PARVA: variants seen among roughly 807,000 people sequenced by gnomAD.
The protein encoded by PARVA is alpha-parvin.
Under a neutral mutation model 52.6 loss-of-function variants are expected in PARVA, and 25 were observed. The ratio of observed to expected loss-of-function variants is 0.48; its 90% CI spans 0.35 to 0.66. PARVA has a LOEUF of 0.66. Among genes scored for constraint, PARVA ranks in the 30% least tolerant of loss-of-function variants. The pLI, the probability that PARVA is intolerant of heterozygous loss-of-function variation, is 0.01. For missense variants in PARVA, 373 were observed against 450.9 expected, an observed-to-expected ratio of 0.83 and a Z score of 1.56; for synonymous variants, 185 against 179.1, an observed-to-expected ratio of 1.03 and a Z score of -0.26.
At chr11:12,511,922 G>T (rs900686330) in intron 8 of PARVA, among the ~76,000 whole-genome samples, 7 of 152,180 alleles carry the variant, frequency 4.6e-5, no homozygotes, top group African/African-American at 1.4e-4. Context: ...TGCACTACTT[G>T]CAAGTGCTTA....
At chr11:12,463,893 A>G (rs1303277280) in intron 1 of PARVA, among the ~76,000 whole-genome samples, 1 of 151,926 alleles carries the variant, frequency 6.6e-6, no homozygotes. Context: ...ATTATAATCC[A>G]ATACTACTTT....
intron 1 of PARVA, among the ~76,000 whole-genome samples, chr11:12,380,672 G>A (rs540178638): frequency 2.0e-5 from 3 of 150,666 alleles, no homozygotes; most frequent in East Asian, 1.9e-4. Context: ...TACCAGACCC[G>A]CTCGAAGTGA....
chr11:12,430,155 G>A (rs1469613111), intron 1 of PARVA, among the ~76,000 whole-genome samples: 1 of 152,086 alleles, frequency 6.6e-6, no homozygotes, highest in Non-Finnish European at 1.5e-5. Flanking sequence ...GGCCAATTTT[G>A]TGGTATCCCT....
chr11:12,474,650 C>A (rs1185874402), intron 3 of PARVA, among the ~76,000 whole-genome samples: 9 of 151,962 alleles, frequency 5.9e-5, no homozygotes. Flanking sequence ...CTGGGCAATG[C>A]GATGAAACAT....
chr11:12,408,634 T>A (rs1307250327), intron 1 of PARVA, among the ~76,000 whole-genome samples: 1 of 152,136 alleles, frequency 6.6e-6, no homozygotes, highest in African/African-American at 2.4e-5. Context: ...TTTTTTTCAT[T>A]TATCCAGTTC....
At chr11:12,414,329 A>G (rs1940034151) in intron 1 of PARVA, among the ~76,000 whole-genome samples, 1 of 152,238 alleles carries the variant, frequency 6.6e-6, no homozygotes, top group Non-Finnish European at 1.5e-5. Flanking sequence ...CAACAGACTT[A>G]GTTTGCTGAG....
At chr11:12,474,108 CTCAGGCAG>C (rs1940972522) in intron 3 of PARVA, 125 bp downstream of exon 3, 2 of 743,132 alleles carry the variant, frequency 2.7e-6, no homozygotes. Flanking sequence ...CAGCCCCTGC[CTCAGGCAG>C]TGAGTTGTCT....
rs780966790 is a variant in PARVA, at chr11:12,510,815, G to A, written c.717-699G>A. On this transcript the variant is annotated intron_variant, in intron 7 of 12. Coordinates refer to ENST00000334956, the MANE Select transcript of PARVA (RefSeq NM_018222.5). ...TCCCCCTGGGTCCCTCCCACAACAC[G>A]TAGGAATTCTGGGAGATACAGTTCA... Among the ~76,000 whole-genome samples, 14 of 152,238 alleles carry A rather than the reference G, an allele frequency of 9.2e-5. No homozygotes were observed. In the East Asian group the frequency reaches 9.7e-4, roughly 11 times the overall value.
chr11:12,513,752 C>T (rs1377273127), intron 9 of PARVA: 1 of 592,494 alleles, frequency 1.7e-6, no homozygotes, highest in Non-Finnish European at 3.0e-6. Context: ...ACCTATCATT[C>T]TGCCTCTTGG....
At chr11:12,412,236 C>T (rs1297083704) in intron 1 of PARVA, among the ~76,000 whole-genome samples, 1 of 152,190 alleles carries the variant, frequency 6.6e-6, no homozygotes, top group Non-Finnish European at 1.5e-5. Flanking sequence ...CCAGCGTGAG[C>T]CTGGCACACA....
At chr11:12,437,594 G>T (rs527786274) in intron 1 of PARVA, among the ~76,000 whole-genome samples, 3 of 152,308 alleles carry the variant, frequency 2.0e-5, no homozygotes, top group Admixed American at 1.3e-4. Context: ...TTGTTCACAT[G>T]AATTGAATTA....
chr11:12,455,711 T>C (rs573610535), intron 1 of PARVA, among the ~76,000 whole-genome samples: 2 of 152,298 alleles, frequency 1.3e-5, no homozygotes, highest in East Asian at 1.9e-4. Flanking sequence ...TTCATATTTA[T>C]TTAGAGACCA....
intron 12 of PARVA, among the ~76,000 whole-genome samples, chr11:12,524,386 C>G (rs1459043889): frequency 1.3e-5 from 2 of 152,182 alleles, no homozygotes; most frequent in African/African-American, 4.8e-5. Context: ...ACTTAGTAAC[C>G]ATTAAAATGG....
At chr11:12,417,699 GT>G (rs1422539250) in intron 1 of PARVA, among the ~76,000 whole-genome samples, 1 of 152,148 alleles carries the variant, frequency 6.6e-6, no homozygotes, top group African/African-American at 2.4e-5. Context: ...CCCAAGTTAA[GT>G]TTGTATTTAC....
At chr11:12,517,824 C>T (rs1388342898) in intron 11 of PARVA, 113 bp downstream of exon 11, 5 of 716,262 alleles carry the variant, frequency 7.0e-6, no homozygotes, top group African/African-American at 1.7e-5. Flanking sequence ...CTCTGCTCAA[C>T]GTCTTCAGTG....
intron 4 of PARVA, among the ~76,000 whole-genome samples, chr11:12,492,987 A>G (rs1440149555): frequency 6.6e-6 from 1 of 152,222 alleles, no homozygotes; most frequent in Non-Finnish European, 1.5e-5. Flanking sequence ...ACCTGAAAAG[A>G]CTTATGATAT....
At chr11:12,492,867 C>T (rs969073500) in intron 4 of PARVA, among the ~76,000 whole-genome samples, 64 of 151,862 alleles carry the variant, frequency 4.2e-4, no homozygotes, top group African/African-American at 1.5e-3. Flanking sequence ...TTTATTGCAA[C>T]TTTATTACAA....
chr11:12,416,666 G>A (rs1008316878), intron 1 of PARVA, among the ~76,000 whole-genome samples: 2 of 151,920 alleles, frequency 1.3e-5, no homozygotes, highest in African/African-American at 4.8e-5. Context: ...AGAAAGAAGC[G>A]AGTGGAGAGA....
At chr11:12,396,719 T>C (rs1168378511) in intron 1 of PARVA, among the ~76,000 whole-genome samples, 1 of 152,230 alleles carries the variant, frequency 6.6e-6, no homozygotes, top group Admixed American at 6.5e-5. Flanking sequence ...TTTAACCAGT[T>C]GGTATTATGA....
Sources: allele counts gnomAD v4.1 joint callset (sites outside exome capture counted in the v4.1 genomes callset), GRCh38; gene constraint gnomAD v4.1.1; transcripts MANE v1.5; gene names NCBI Gene and HGNC (gene_info 2026-07-23, HGNC 2026-07-21).